VRK2: variants seen among roughly 807,000 people sequenced by gnomAD.
VRK2 encodes the protein serine/threonine-protein kinase VRK2.
A neutral mutation model predicts 57.6 loss-of-function variants in VRK2; 60 were observed. The observed-to-expected ratio is 1.04, with a 90% confidence interval of 0.85 to 1.29. VRK2 has a LOEUF of 1.29. Among genes scored for constraint, VRK2 ranks in the 50% most tolerant of loss-of-function variants. The probability of loss-of-function intolerance (pLI) is 0.00; values close to 1 mark genes in which losing one functional copy is unlikely to be tolerated. For synonymous variants in VRK2, 231 were observed against 199.2 expected, an observed-to-expected ratio of 1.16 and a Z score of -1.35; for missense variants, 705 against 588.1, an observed-to-expected ratio of 1.20 and a Z score of -2.06.
intron 7 of VRK2, among the ~76,000 whole-genome samples, chr2:58,093,966 G>A (rs1445870688): frequency 6.6e-6 from 1 of 152,188 alleles, no homozygotes; most frequent in Non-Finnish European, 1.5e-5. Flanking sequence ...TCAAAGATCA[G>A]ATGGTTGTAG....
chr2:58,074,863 C>G (rs1052308067), intron 2 of VRK2, among the ~76,000 whole-genome samples: 1 of 151,950 alleles, frequency 6.6e-6, no homozygotes, highest in Non-Finnish European at 1.5e-5. Flanking sequence ...TATAATCTTA[C>G]GACTAAATCT....
Position 58,048,674 on chromosome 2 carries a change from G to A in VRK2, c.-5-153G>A. On this transcript the variant is annotated intron_variant, in intron 1 of 12. Transcript: ENST00000340157. ...TGTGAATTTCTAATTTGAATATAAT[G>A]TGTGGGCTTTTCCAAACTGAATTAA... 4.0e-6 allele frequency: 6 copies of A among 1,503,604 alleles called. No individual in the cohort carries two copies. The South Asian group carries it at 6.2e-5, about 16-fold the overall frequency. The allele number at this position is 1,503,604 out of a possible 1,614,324, so 93.1% of individuals were successfully genotyped here.
intron 2 of VRK2, chr2:58,026,817 C>G (rs1673942770): frequency 1.3e-5 from 2 of 152,078 alleles, no homozygotes. Flanking sequence ...CTCCTTGGCT[C>G]AAGCAATCCT....
chr2:57,959,691 A>T (rs1217542270), intron 1 of VRK2, among the ~76,000 whole-genome samples: 1 of 152,216 alleles, frequency 6.6e-6, no homozygotes, highest in Non-Finnish European at 1.5e-5. Context: ...AAGACAGCTT[A>T]ATTAACCCTT....
intron 1 of VRK2, among the ~76,000 whole-genome samples, chr2:57,915,170 A>T (rs1670106772): frequency 6.6e-6 from 1 of 152,196 alleles, no homozygotes; most frequent in South Asian, 2.1e-4. Flanking sequence ...AAAACCAAAA[A>T]GACTAAATAC....
chr2:58,136,871 C>CATATATGTGTGTATATATATCAT (rs767666272), intron 10 of VRK2, among the ~76,000 whole-genome samples: 1 of 124,508 alleles, frequency 8.0e-6, no homozygotes, highest in Non-Finnish European at 1.6e-5. Flanking sequence ...GTATATATAT[C>CATATATGTGTGTATATATATCAT]ATATATTATA....
intron 1 of VRK2, among the ~76,000 whole-genome samples, chr2:57,946,848 G>T (rs1318946449): frequency 2.6e-5 from 4 of 152,098 alleles, no homozygotes; most frequent in South Asian, 2.1e-4. Context: ...AAGTGAGGAT[G>T]CATGAGAGAC....
chr2:58,013,821 AG>A (rs1673488791), intron 1 of VRK2, among the ~76,000 whole-genome samples: 1 of 142,622 alleles, frequency 7.0e-6, no homozygotes, highest in Non-Finnish European at 1.5e-5. Flanking sequence ...ATCGCGCCAC[AG>A]CACTCCCTCC....
At chr2:57,928,820 C>T (rs1047319617) in intron 1 of VRK2, among the ~76,000 whole-genome samples, 1 of 152,228 alleles carries the variant, frequency 6.6e-6, no homozygotes, top group African/African-American at 2.4e-5. Flanking sequence ...GAAGTACTAC[C>T]TTGGTGGTCT....
At chr2:58,099,343 A>G (rs17049335) in intron 7 of VRK2, among the ~76,000 whole-genome samples, 6,137 of 152,126 alleles carry the variant, frequency 0.04, 144 homozygotes, top group Non-Finnish European at 0.06. Context: ...CTAATTTCCT[A>G]TAGCTCCTAA....
intron 3 of VRK2, among the ~76,000 whole-genome samples, chr2:58,036,033 CT>C (rs1259881073): frequency 6.6e-6 from 1 of 151,950 alleles, no homozygotes; most frequent in Admixed American, 6.6e-5. Context: ...CTTAAACATC[CT>C]TGAAAAACAG....
chr2:57,983,387 C>A (rs6717480), intron 1 of VRK2, among the ~76,000 whole-genome samples: 49,078 of 152,038 alleles, frequency 0.32, 9,368 homozygotes, highest in East Asian at 0.46. Flanking sequence ...GATAACTTTC[C>A]CATCTCAAGG....
intron 3 of VRK2, among the ~76,000 whole-genome samples, chr2:58,037,016 G>A (rs986896314): frequency 6.6e-6 from 1 of 151,920 alleles, no homozygotes; most frequent in African/African-American, 2.4e-5. Context: ...ACTACTCACT[G>A]TAGTCTTGTC....
At chr2:58,041,846 G>A (rs1450715885), upstream of VRK2, among the ~76,000 whole-genome samples, 2 of 152,088 alleles carry the variant, frequency 1.3e-5, no homozygotes, top group African/African-American at 2.4e-5. Flanking sequence ...ATTCCTTTCT[G>A]CTGATTCCAG....
chr2:57,973,853 G>GA (rs994007712), intron 1 of VRK2, among the ~76,000 whole-genome samples: 5 of 150,782 alleles, frequency 3.3e-5, no homozygotes, highest in East Asian at 1.9e-4. Flanking sequence ...ATCTAGTGGA[G>GA]AAAAAAAAAT....
At chr2:58,088,471 T>A in intron 6 of VRK2, 25 bp downstream of exon 6, 1 of 1,495,234 alleles carries the variant, frequency 6.7e-7, no homozygotes, top group Non-Finnish European at 9.3e-7. Flanking sequence ...TTTCGCATGC[T>A]CCATTTCCAA....
chr2:58,027,129 G>A (rs946909484), intron 2 of VRK2, among the ~76,000 whole-genome samples: 7 of 151,782 alleles, frequency 4.6e-5, no homozygotes, highest in Admixed American at 4.6e-4. Flanking sequence ...TCAAACTAAG[G>A]GTGCCCTTCT....
intron 1 of VRK2, among the ~76,000 whole-genome samples, chr2:57,982,305 G>A (rs1204191792): frequency 6.6e-6 from 1 of 152,166 alleles, no homozygotes; most frequent in Non-Finnish European, 1.5e-5. Context: ...ACTCTAATGG[G>A]GGCTGCTGGC....
intron 1 of VRK2, among the ~76,000 whole-genome samples, chr2:57,931,833 A>G (rs1209411574): frequency 6.9e-6 from 1 of 144,814 alleles, no homozygotes. Flanking sequence ...TTTTTTTGGT[A>G]TATGTATATT....
Sources: gnomAD v4.1 joint callset for allele counts (sites outside exome capture counted in the v4.1 genomes callset) on GRCh38, gnomAD v4.1.1 for gene constraint, MANE v1.5 for transcripts, NCBI Gene and HGNC (gene_info 2026-07-23, HGNC 2026-07-21) for gene names.